LMBR1: variants seen among roughly 807,000 people sequenced by gnomAD.
LMBR1 encodes the protein limb region 1 protein homolog.
Under a neutral mutation model 73.9 loss-of-function variants are expected in LMBR1, and 52 were observed. That is an observed-to-expected ratio of 0.70 (90% confidence interval 0.56 to 0.89). The LOEUF (loss-of-function observed/expected upper bound fraction) is 0.89. Ranked by LOEUF, LMBR1 falls within the 40% of genes least tolerant of loss-of-function variation. The pLI is 0.00. For missense variants in LMBR1, 539 were observed against 579.8 expected (o/e 0.93, Z 0.72); for synonymous variants, 215 against 209.4 (o/e 1.03, Z -0.23).
chr7:156,824,124 AACAAT>A (rs1225388115), intron 4 of LMBR1, among the ~76,000 whole-genome samples: 4 of 149,732 alleles, frequency 2.7e-5, no homozygotes, highest in African/African-American at 7.4e-5. Flanking sequence ...CAACAACAAC[AACAAT>A]ATATATATAC....
At position 156,765,020 on chromosome 7, in the gene LMBR1, A is replaced by G. The variant is rs145613182; in HGVS notation, c.424-1225T>C. The stretch of plus-strand genomic sequence containing the variant: ...TCATAGCATGGGAGGCCAGTGAACC[A>G]GAATGAATTAGGCTTGTATTTTAAC... On this transcript the variant is annotated intron_variant, in intron 5 of 16. Coordinates refer to ENST00000353442, the MANE Select transcript of LMBR1 (RefSeq NM_022458.4). 1.5e-4 allele frequency among the ~76,000 whole-genome samples: 23 copies of G among 152,362 alleles called. No individual in the cohort carries two copies. The East Asian group carries it at 4.2e-3, about 28-fold the overall frequency.
At chr7:156,736,666 C>T (rs984908052) in intron 9 of LMBR1, 3 of 449,472 alleles carry the variant, frequency 6.7e-6, no homozygotes, top group African/African-American at 2.0e-5. Flanking sequence ...CTTCACTCCT[C>T]CCTTTCTCTC....
chr7:156,716,686 TA>T (rs1813283819), intron 15 of LMBR1, among the ~76,000 whole-genome samples: 1 of 152,240 alleles, frequency 6.6e-6, no homozygotes. Context: ...CCTTCTCAAA[TA>T]AAAGGACATC....
At chr7:156,875,074 T>C (rs1799953747) in intron 1 of LMBR1, among the ~76,000 whole-genome samples, 1 of 151,804 alleles carries the variant, frequency 6.6e-6, no homozygotes, top group East Asian at 1.9e-4. Context: ...AGGAAAGAAA[T>C]CTTCAGTGAA....
At chr7:156,833,573 T>C (rs1837053838) in intron 3 of LMBR1, 180 bp downstream of exon 3, 3 of 303,736 alleles carry the variant, frequency 9.9e-6, no homozygotes, top group South Asian at 3.7e-5. Flanking sequence ...CAAATTCCAA[T>C]AGGAGATTGG....
At chr7:156,833,627 AT>A in intron 3 of LMBR1, 125 bp downstream of exon 3, 1 of 663,770 alleles carries the variant, frequency 1.5e-6, no homozygotes, top group Non-Finnish European at 2.6e-6. Flanking sequence ...TAAAATTAAT[AT>A]GATAAAGCTA....
chr7:156,836,801 G>A lies in LMBR1; in HGVS notation c.139+12C>T. 1 of 1,541,444 alleles carries A rather than the reference G, an allele frequency of 6.5e-7. No individual in the cohort carries two copies. The highest frequency in any genetic ancestry group is 8.8e-7 in the Non-Finnish European group (1 of 1,130,490). On this transcript the variant is annotated intron_variant, in intron 2 of 16. Transcript: ENST00000353442. ...TTCTAACAAAGGTTTTAATTGACATGTTTCCACTTGCCTGATTTTCTCTTG... is the reference window on the plus strand; with the variant it reads ...TTCTAACAAAGGTTTTAATTGACATATTTCCACTTGCCTGATTTTCTCTTG...
At chr7:156,684,403 TGAGG>T (rs1247109372) in intron 16 of LMBR1, among the ~76,000 whole-genome samples, 2 of 152,098 alleles carry the variant, frequency 1.3e-5, no homozygotes, top group African/African-American at 4.8e-5. Flanking sequence ...GGACAGCACG[TGAGG>T]GTCCTAAGAG....
intron 4 of LMBR1, among the ~76,000 whole-genome samples, chr7:156,816,921 A>G (rs1050233992): frequency 6.6e-6 from 1 of 152,180 alleles, no homozygotes; most frequent in Non-Finnish European, 1.5e-5. Flanking sequence ...ATTTCATATT[A>G]ATTTGTAAAA....
intron 1 of LMBR1, among the ~76,000 whole-genome samples, chr7:156,889,110 T>C (rs1229074943): frequency 6.6e-6 from 1 of 151,942 alleles, no homozygotes; most frequent in African/African-American, 2.4e-5. Flanking sequence ...CAGGTGAACT[T>C]TGAAGGCATT....
intron 8 of LMBR1, among the ~76,000 whole-genome samples, chr7:156,760,815 A>G (rs1458005587): frequency 6.6e-6 from 1 of 152,258 alleles, no homozygotes; most frequent in African/African-American, 2.4e-5. Context: ...TATAGCCCCT[A>G]TAACACTTCC....
chr7:156,679,871 T>C lies in LMBR1; in HGVS notation c.*4207A>G, dbSNP rs1804704162. 6.6e-6 allele frequency: 1 copy of C among 152,236 alleles called. No homozygotes were observed. Among genetic ancestry groups the C allele is most frequent in the African/African-American group, 2.4e-5 (1 of 41,464 alleles). 9.4% of individuals were successfully genotyped at this position (152,236 alleles called of 1,614,324 possible). On this transcript the variant is annotated 3_prime_UTR_variant, in exon 17 of 17. Coordinates refer to ENST00000353442, the MANE Select transcript of LMBR1 (RefSeq NM_022458.4). ...AATGAGGTTTTGTGTGAAGTTCCTA[T>C]TTGATTATAGTTAACCTTGAAAAAA...
intron 4 of LMBR1, among the ~76,000 whole-genome samples, chr7:156,804,852 T>A (rs1563405073): frequency 1.3e-5 from 2 of 152,228 alleles, no homozygotes; most frequent in African/African-American, 2.4e-5. Context: ...GTCCAATTTA[T>A]CCATTTTTTT....
At chr7:156,874,986 G>T (rs1799942877) in intron 1 of LMBR1, among the ~76,000 whole-genome samples, 1 of 152,160 alleles carries the variant, frequency 6.6e-6, no homozygotes, top group Non-Finnish European at 1.5e-5. Context: ...CAGAAGATCA[G>T]TTATTAAGCT....
rs547061322 is a variant in LMBR1, at chr7:156,889,458, C to A, written c.66+3470G>T. ...ATTGAATAATTTTAAAAATTGGCAA[C>A]AGGTCTTAGAGAAAAAGTATTTACA... On this transcript the variant is annotated intron_variant, in intron 1 of 16. Coordinates refer to ENST00000353442, the MANE Select transcript of LMBR1 (RefSeq NM_022458.4). Among the ~76,000 whole-genome samples the A allele has an allele frequency of 2.6e-5, 4 of 152,240 alleles. No homozygotes were observed. In the South Asian group the frequency reaches 8.3e-4, roughly 32 times the overall value.
At chr7:156,745,558 T>A (rs1411229358) in intron 9 of LMBR1, among the ~76,000 whole-genome samples, 2 of 152,324 alleles carry the variant, frequency 1.3e-5, no homozygotes, top group South Asian at 2.1e-4. Flanking sequence ...CAAAGAGTGG[T>A]CCTTTCTCAA....
In LMBR1 at chr7:156,685,197, T is replaced by A. The variant is rs1041411872; in HGVS notation, c.1388-1034A>T. On this transcript the variant is annotated intron_variant, in intron 16 of 16. Coordinates refer to ENST00000353442, the MANE Select transcript of LMBR1 (RefSeq NM_022458.4). The surrounding 1 kb of genome is among the most constrained non-coding windows in gnomAD (Gnocchi z 4.1). ...GTTACATTTATTTCTCTCTGTATCA[T>A]AAAACAATTATTTACATAATATACC... 2.6e-5 allele frequency among the ~76,000 whole-genome samples: 4 copies of A among 152,188 alleles called. No individual in the cohort carries two copies. Among genetic ancestry groups the A allele is most frequent in the Non-Finnish European group, 5.9e-5 (4 of 68,030 alleles).
At chr7:156,726,405 A>G (rs1216585444) in intron 12 of LMBR1, among the ~76,000 whole-genome samples, 1 of 152,138 alleles carries the variant, frequency 6.6e-6, no homozygotes, top group Non-Finnish European at 1.5e-5. Flanking sequence ...AAGTAATGCT[A>G]TAAATTTTTT....
At chr7:156,725,318 G>T (rs1202494899) in intron 14 of LMBR1, 117 bp downstream of exon 14, 2 of 617,958 alleles carry the variant, frequency 3.2e-6, no homozygotes, top group Non-Finnish European at 5.7e-6. Flanking sequence ...TTGTGTTTAC[G>T]CAACTTACAA....
Sources: allele counts gnomAD v4.1 joint callset (sites outside exome capture counted in the v4.1 genomes callset), GRCh38; gene constraint gnomAD v4.1.1; non-coding constraint Gnocchi (gnomAD v3.1); transcripts MANE v1.5; gene names NCBI Gene and HGNC (gene_info 2026-07-23, HGNC 2026-07-21).